The following KRTAP10-11 variants were observed in gnomAD, a reference collection of about 807,000 sequenced individuals.
KRTAP10-11 encodes keratin associated protein 10-11.
For missense variants in KRTAP10-11, 401 were observed against 378.8 expected (o/e 1.06, Z -0.49); for synonymous variants, 188 against 161.1 (o/e 1.17, Z -1.27).
the KRTAP10-11 span, chr21:44,646,788 C>A: frequency 1.7e-5 from 27 of 1,612,848 alleles, no homozygotes; most frequent in East Asian, 5.6e-4. Flanking sequence ...CTGTCTGCTG[C>A]AAGCCTGTGT....
Position 44,646,563 on chromosome 21 carries a change from C to T in KRTAP10-11, c.105C>T (p.Ser35=). The change falls in exon 1 of 1, where the codon AGC becomes AGT. Residue 35 remains serine, a synonymous_variant. Transcript: ENST00000334670. ...GTGAGCCCCCCTGCAGCGCCCCCAG[C>T]TGCTGCGCCCCGGCCCCCTCCCTGA... ...SCCEPPCSAP[S]CCAPAPSLSL... 3 of 1,612,478 alleles carry T rather than the reference C, an allele frequency of 1.9e-6. No homozygotes were observed. Among genetic ancestry groups the T allele is most frequent in the Non-Finnish European group, 2.5e-6 (3 of 1,179,930 alleles).
In KRTAP10-11 at chr21:44,646,682, G is replaced by A. The variant is rs782662766; in HGVS notation, c.224G>A (p.Cys75Tyr). The A allele has an allele frequency of 1.2e-6, 2 of 1,614,050 alleles. No homozygotes were observed. The highest frequency in any genetic ancestry group is 1.1e-5 in the South Asian group (1 of 91,082). Residue 75 changes from cysteine (C) to tyrosine (Y), a missense_variant, in exon 1 of 1, where the codon TGC becomes TAC. By Grantham distance (194) the Cys-to-Tyr change is radical. Transcript: ENST00000334670. Reference sequence around the variant, plus strand: ...TGCCAATCAGGCTGCACCAGCTCCTGCACGCCGTCATGCTGCCAGCAGTCT... The same window carrying A: ...TGCCAATCAGGCTGCACCAGCTCCTACACGCCGTCATGCTGCCAGCAGTCT... ...SACQSGCTSSCTPSCCQQSSC... is the reference protein window; with the variant it reads ...SACQSGCTSSYTPSCCQQSSC...
In KRTAP10-11 at chr21:44,646,709, G is replaced by T; in HGVS notation, c.251G>T (p.Ser84Ile). The T allele has an allele frequency of 6.2e-7, 1 of 1,614,142 alleles. No homozygotes were observed. The highest frequency in any genetic ancestry group is 8.5e-7 in the Non-Finnish European group (1 of 1,180,006). The change falls in exon 1 of 1, where the codon AGC becomes ATC. Residue 84 changes from serine to isoleucine, a missense_variant. Ser to Ile is a moderately radical substitution (Grantham distance 142). Coordinates refer to ENST00000334670, the MANE Select transcript of KRTAP10-11 (RefSeq NM_198692.3). ...ACGCCGTCATGCTGCCAGCAGTCTA[G>T]CTGCCAGCCGGCTTGCTGCACCTCC... The part of the protein sequence containing the change: ...SCTPSCCQQS[S>I]CQPACCTSSP...
chr21:44,646,762 C>A lies in KRTAP10-11; in HGVS notation c.304C>A (p.Pro102Thr). ...SSPCQQACCV[P>T]VCCKTVCCKP... is the part of the protein sequence containing the mutation. ...CCCCTGCCAGCAGGCCTGCTGTGTG[C>A]CTGTCTGCTGCAAGACTGTCTGCTG... The change falls in exon 1 of 1, where the codon CCT (proline) becomes ACT (threonine). Residue 102 changes from proline (P) to threonine (T), a missense_variant. Physicochemically the swap from Pro to Thr is conservative, Grantham distance 38 (BLOSUM62 -1). Transcript: ENST00000334670. 1 of 1,613,860 alleles carries A rather than the reference C, an allele frequency of 6.2e-7. No individual in the cohort carries two copies. Among genetic ancestry groups the A allele is most frequent in the Non-Finnish European group, 8.5e-7 (1 of 1,179,912 alleles).
rs1238911796 is a variant in KRTAP10-11 at position 44,647,413 on chromosome 21, T to G, written c.*58T>G. The G allele has an allele frequency of 1.9e-6, 3 of 1,570,546 alleles. No individual in the cohort carries two copies. Among genetic ancestry groups the G allele is most frequent in the African/African-American group, 1.3e-5 (1 of 74,134 alleles). ...TTTGCTGCCAAGCAGGATTCTCCAG[T>G]CTCAGGAGCCCCTGGAGTCCTCAGA... On this transcript the variant is annotated 3_prime_UTR_variant, in exon 1 of 1. Coordinates refer to ENST00000334670, the MANE Select transcript of KRTAP10-11 (RefSeq NM_198692.3).
At position 44,647,291 on chromosome 21, in the gene KRTAP10-11, G is replaced by A; in HGVS notation, c.833G>A (p.Cys278Tyr). 1 of 1,612,018 alleles carries A rather than the reference G, an allele frequency of 6.2e-7. No individual in the cohort carries two copies. Among genetic ancestry groups the A allele is most frequent in the Non-Finnish European group, 8.5e-7 (1 of 1,178,748 alleles). The change falls in exon 1 of 1, where the codon TGC becomes TAC. Residue 278 changes from cysteine (C) to tyrosine (Y), a missense_variant. Transcript: ENST00000334670. ...CRPASCVSLL[C>Y]RPASSRLACY... ...CCGGCCTCCTGCGTGTCCCTCCTCT[G>A]CCGCCCCGCAAGCTCCCGCCTGGCC...
In KRTAP10-11 at chr21:44,646,458, C is replaced by T. The variant is rs782275345; in HGVS notation, c.-1C>T. On this transcript the variant is annotated 5_prime_UTR_variant, in exon 1 of 1. Transcript: ENST00000334670. ...CCAGCTCACCTCCTCCCCACCCCAG[C>T]ATGGCCGCGTCCACCATGTCTGTCT... is the stretch of plus-strand genomic sequence containing the variant. The T allele has an allele frequency of 1.2e-6, 2 of 1,605,426 alleles. No homozygotes were observed. The highest frequency in any genetic ancestry group is 2.2e-5 in the South Asian group (2 of 89,108).
chr21:44,647,634 A>G lies in KRTAP10-11; in HGVS notation c.*279A>G, dbSNP rs1477374646. On this transcript the variant is annotated 3_prime_UTR_variant, in exon 1 of 1. Coordinates refer to ENST00000334670, the MANE Select transcript of KRTAP10-11 (RefSeq NM_198692.3). ...AAAGAAGAACTGCTCTAATCAATAA[A>G]TTCTTGAGTCAGGAAATACGGGCTG... 1 of 483,294 alleles carries G rather than the reference A, an allele frequency of 2.1e-6. No individual in the cohort carries two copies. Among genetic ancestry groups the G allele is most frequent in the Non-Finnish European group, 3.9e-6 (1 of 258,034 alleles). The allele number at this position is 483,294 out of a possible 1,614,324, so 29.9% of individuals were successfully genotyped here.
Position 44,647,108 on chromosome 21 carries a change from A to G in KRTAP10-11, c.650A>G (p.Gln217Arg). Residue 217 changes from glutamine (Q) to arginine (R), a missense_variant, in exon 1 of 1, where the codon CAG becomes CGG. Transcript: ENST00000334670. ...VCSRASSSRC[Q>R]QPSCQPACCT... is the part of the protein sequence containing the mutation. ...TCTAGGGCTTCCTCTTCACGCTGCC[A>G]GCAGCCTAGCTGCCAGCCAGCTTGC... 5 of 1,613,462 alleles carry G rather than the reference A, an allele frequency of 3.1e-6. No homozygotes were observed. The highest frequency in any genetic ancestry group is 1.1e-5 in the South Asian group (1 of 91,040).
Position 44,647,052 on chromosome 21 carries a change from C to T in KRTAP10-11, c.594C>T (p.Tyr198=). The change falls in exon 1 of 1, where the codon TAC becomes TAT. Residue 198 remains tyrosine, a synonymous_variant. Coordinates refer to ENST00000334670, the MANE Select transcript of KRTAP10-11 (RefSeq NM_198692.3). The part of the protein sequence containing the change: ...CCVPVCCKTV[Y]CKPICCVPVC... Reference sequence around the variant, plus strand: ...TGCCTGTCTGCTGCAAGACTGTCTACTGCAAGCCCATCTGCTGTGTGCCTG... The same window carrying T: ...TGCCTGTCTGCTGCAAGACTGTCTATTGCAAGCCCATCTGCTGTGTGCCTG... 1 of 1,613,808 alleles carries T rather than the reference C, an allele frequency of 6.2e-7. No homozygotes were observed.
At position 44,646,587 on chromosome 21, in the gene KRTAP10-11, G is replaced by C; in HGVS notation, c.129G>C (p.Leu43=). 6.2e-7 allele frequency: 1 copy of C among 1,612,476 alleles called. No homozygotes were observed. The highest frequency in any genetic ancestry group is 8.5e-7 in the Non-Finnish European group (1 of 1,179,872). ...APSCCAPAPS[L]SLVCTPVSCV... The stretch of plus-strand genomic sequence containing the variant: ...GCTGCTGCGCCCCGGCCCCCTCCCT[G>C]AGCCTGGTCTGCACCCCAGTGAGCT... The change falls in exon 1 of 1, where the codon CTG becomes CTC. Residue 43 remains leucine (L), a synonymous_variant. Coordinates refer to ENST00000334670, the MANE Select transcript of KRTAP10-11 (RefSeq NM_198692.3).
At position 44,647,520 on chromosome 21, in the gene KRTAP10-11, G is replaced by A. The variant is rs1984513841; in HGVS notation, c.*165G>A. 2 of 841,162 alleles carry A rather than the reference G, an allele frequency of 2.4e-6. No homozygotes were observed. The highest frequency in any genetic ancestry group is 5.8e-5 in the Admixed American group (2 of 34,326). The allele number at this position is 841,162 out of a possible 1,614,324, so 52.1% of individuals were successfully genotyped here. On this transcript the variant is annotated 3_prime_UTR_variant, in exon 1 of 1. Coordinates refer to ENST00000334670, the MANE Select transcript of KRTAP10-11 (RefSeq NM_198692.3). ...GTCACACTTTCCTCCCCACTGTCTG[G>A]GAAGAGACAACCCACAAATCCCTCA...
At position 44,646,534 on chromosome 21, in the gene KRTAP10-11, T is replaced by A. The variant is rs376512505; in HGVS notation, c.76T>A (p.Cys26Ser). Residue 26 changes from cysteine to serine, a missense_variant, in exon 1 of 1, where the codon TGC becomes AGC. Transcript: ENST00000334670. ...GCAGGTGGACGACTGCCCAGAGAGC[T>A]GCTGTGAGCCCCCCTGCAGCGCCCC... Reference protein sequence around the residue: ...SWQVDDCPESCCEPPCSAPSC... With the variant: ...SWQVDDCPESSCEPPCSAPSC... 18 of 1,612,706 alleles carry A rather than the reference T, an allele frequency of 1.1e-5. No homozygotes were observed. In the East Asian group the frequency reaches 4.0e-4, roughly 36 times the overall value.
Position 44,647,037 on chromosome 21 carries a change from C to T in KRTAP10-11, c.579C>T (p.Cys193=), listed in dbSNP as rs1601526246. 2 of 1,613,782 alleles carry T rather than the reference C, an allele frequency of 1.2e-6. No homozygotes were observed. Among genetic ancestry groups the T allele is most frequent in the African/African-American group, 2.7e-5 (2 of 74,788 alleles). The change falls in exon 1 of 1, where the codon TGC becomes TGT. Residue 193 remains cysteine, a synonymous_variant. Transcript: ENST00000334670. Reference sequence around the variant, plus strand: ...AGCAGGCCTGCTGCGTGCCTGTCTGCTGCAAGACTGTCTACTGCAAGCCCA... The same window carrying T: ...AGCAGGCCTGCTGCGTGCCTGTCTGTTGCAAGACTGTCTACTGCAAGCCCA... The part of the protein sequence containing the change: ...SYQQACCVPV[C]CKTVYCKPIC...
At position 44,647,475 on chromosome 21, in the gene KRTAP10-11, C is replaced by T; in HGVS notation, c.*120C>T. The T allele has an allele frequency of 8.3e-7, 1 of 1,201,608 alleles. No homozygotes were observed. Among genetic ancestry groups the T allele is most frequent in the Non-Finnish European group, 1.2e-6 (1 of 863,772 alleles). 74.4% of individuals were successfully genotyped at this position (1,201,608 alleles called of 1,614,324 possible). On this transcript the variant is annotated 3_prime_UTR_variant, in exon 1 of 1. Coordinates refer to ENST00000334670, the MANE Select transcript of KRTAP10-11 (RefSeq NM_198692.3). ...CCATCAGTAGCCACAGAGCTGCTGC[C>T]TGAAGGGGATTTTGAGCGCGTCACA...
chr21:44,646,987 G>C lies in KRTAP10-11; in HGVS notation c.529G>C (p.Ala177Pro), dbSNP rs782792758. 2 of 1,613,452 alleles carry C rather than the reference G, an allele frequency of 1.2e-6. No homozygotes were observed. Among genetic ancestry groups the C allele is most frequent in the Admixed American group, 3.3e-5 (2 of 59,994 alleles). Residue 177 changes from alanine to proline, a missense_variant, in exon 1 of 1, where the codon GCT (alanine) becomes CCT (proline). Transcript: ENST00000334670. ...SCCQQSSCQP[A>P]CCTSSSYQQA... ...CTGCCAGCAGTCTAGCTGCCAGCCAGCTTGCTGCACCTCCTCCTCCTACCA... is the reference window on the plus strand; with the variant it reads ...CTGCCAGCAGTCTAGCTGCCAGCCACCTTGCTGCACCTCCTCCTCCTACCA...
At position 44,646,737 on chromosome 21, in the gene KRTAP10-11, C is replaced by T; in HGVS notation, c.279C>T (p.Ser93=). ...SSCQPACCTS[S]PCQQACCVPV... is the part of the protein sequence containing the mutation. ...GCCAGCCGGCTTGCTGCACCTCCTC[C>T]CCCTGCCAGCAGGCCTGCTGTGTGC... Residue 93 remains serine (S), a synonymous_variant, in exon 1 of 1, where the codon TCC becomes TCT. Transcript: ENST00000334670. The T allele has an allele frequency of 1.2e-6, 2 of 1,614,154 alleles. No individual in the cohort carries two copies. Among genetic ancestry groups the T allele is most frequent in the Non-Finnish European group, 8.5e-7 (1 of 1,179,984 alleles).
In KRTAP10-11 at chr21:44,647,328, C is replaced by A. The variant is rs1478568228; in HGVS notation, c.870C>A (p.Leu290=). Reference sequence around the variant, plus strand: ...GCTCCCGCCTGGCCTGCTACAGCCTCTGCTCAGGCAAGAAGTCCAGCTGCT... The same window carrying A: ...GCTCCCGCCTGGCCTGCTACAGCCTATGCTCAGGCAAGAAGTCCAGCTGCT... ...PASSRLACYS[L]CSGKKSSC Residue 290 remains leucine, a synonymous_variant, in exon 1 of 1, where the codon CTC becomes CTA. Coordinates refer to ENST00000334670, the MANE Select transcript of KRTAP10-11 (RefSeq NM_198692.3). The A allele has an allele frequency of 1.2e-6, 2 of 1,613,760 alleles. No individual in the cohort carries two copies. Among genetic ancestry groups the A allele is most frequent in the Non-Finnish European group, 1.7e-6 (2 of 1,179,870 alleles).
In KRTAP10-11 at chr21:44,646,601, C is replaced by T. The variant is rs782278264; in HGVS notation, c.143C>T (p.Thr48Ile). The change falls in exon 1 of 1, where the codon ACC (threonine) becomes ATC (isoleucine). Residue 48 changes from threonine to isoleucine, a missense_variant. Physicochemically the swap from Thr to Ile is moderately conservative, Grantham distance 89. Coordinates refer to ENST00000334670, the MANE Select transcript of KRTAP10-11 (RefSeq NM_198692.3). Reference sequence around the variant, plus strand: ...GCCCCCTCCCTGAGCCTGGTCTGCACCCCAGTGAGCTGTGTGTCCAGCCCC... The same window carrying T: ...GCCCCCTCCCTGAGCCTGGTCTGCATCCCAGTGAGCTGTGTGTCCAGCCCC... The part of the protein sequence containing the change: ...APAPSLSLVC[T>I]PVSCVSSPCC... The T allele has an allele frequency of 6.2e-7, 1 of 1,612,678 alleles. No homozygotes were observed. The highest frequency in any genetic ancestry group is 8.5e-7 in the Non-Finnish European group (1 of 1,179,872).
Sources: allele counts gnomAD v4.1 joint callset, GRCh38; gene constraint gnomAD v4.1.1; transcripts MANE v1.5; gene names NCBI Gene and HGNC (gene_info 2026-07-23, HGNC 2026-07-21).